The following ETV7 variants were observed in gnomAD, a reference collection of about 807,000 sequenced individuals.
ETV7 encodes transcription factor ETV7.
In ETV7, 43 loss-of-function variants were observed where a neutral mutation model predicts 39.1. That is an observed-to-expected ratio of 1.10 (90% CI 0.86 to 1.42). The LOEUF (loss-of-function observed/expected upper bound fraction) is 1.42, where lower values mean the gene tolerates loss of function less well. Among genes scored for constraint, ETV7 ranks in the 40% most tolerant of loss-of-function variants. The pLI, the probability that ETV7 is intolerant of heterozygous loss-of-function variation, is 0.00. For synonymous variants in ETV7, 196 were observed against 176.6 expected (o/e 1.11, Z -0.87); for missense variants, 432 against 442.3 (o/e 0.98, Z 0.21).
At chr6:36,362,164 G>A (rs1007881428), downstream of ETV7, among the ~76,000 whole-genome samples, 3 of 152,190 alleles carry the variant, frequency 2.0e-5, no homozygotes, top group African/African-American at 7.2e-5. Context: ...CAGGCGCGGT[G>A]GCGGGCACCT....
At chr6:36,380,665 A>G (rs532390941) in intron 2 of ETV7, among the ~76,000 whole-genome samples, 1 of 152,178 alleles carries the variant, frequency 6.6e-6, no homozygotes, top group Non-Finnish European at 1.5e-5. Context: ...GCTTCTTTAC[A>G]TAGTCACTGA....
chr6:36,361,247 C>A (rs911130379), downstream of ETV7, among the ~76,000 whole-genome samples: 1 of 152,184 alleles, frequency 6.6e-6, no homozygotes, highest in African/African-American at 2.4e-5. Context: ...CTTTGAGGGC[C>A]GAGGTGTCAC....
Position 36,366,341 on chromosome 6 carries a change from C to G in ETV7, c.*304G>C. 1 of 1,184,040 alleles carries G rather than the reference C, an allele frequency of 8.4e-7. No individual in the cohort carries two copies. The highest frequency in any genetic ancestry group is 1.1e-6 in the Non-Finnish European group (1 of 951,446). The allele number at this position is 1,184,040 out of a possible 1,614,324, so 73.3% of individuals were successfully genotyped here. ...CTTCATTCCCTTCATCTGGTAAATT[C>G]CATTTACAGGGGTGGGGCTGGGTGC... is the stretch of plus-strand genomic sequence containing the variant. On this transcript the variant is annotated 3_prime_UTR_variant, in exon 8 of 8. Coordinates refer to ENST00000340181, the MANE Select transcript of ETV7 (RefSeq NM_016135.4).
intron 7 of ETV7, among the ~76,000 whole-genome samples, chr6:36,361,003 C>T (rs71569330): frequency 2.6e-4 from 39 of 152,302 alleles, no homozygotes; most frequent in Non-Finnish European, 4.9e-4. Context: ...TCTGTTTCCC[C>T]TACTTCTGTG....
In ETV7 at chr6:36,366,278, C is replaced by A. The variant is rs1163685673; in HGVS notation, c.*367G>T. The A allele has an allele frequency of 1.9e-6, 2 of 1,073,276 alleles. No individual in the cohort carries two copies. Among genetic ancestry groups the A allele is most frequent in the Non-Finnish European group, 2.3e-6 (2 of 884,514 alleles). The allele number at this position is 1,073,276 out of a possible 1,614,324, so 66.5% of individuals were successfully genotyped here. On this transcript the variant is annotated 3_prime_UTR_variant, in exon 8 of 8. Coordinates refer to ENST00000340181, the MANE Select transcript of ETV7 (RefSeq NM_016135.4). ...CTTTTTCCCATTTCCTGCCTCAGCC[C>A]ATTTCACAGGTGAGGAAATCTGAGG...
chr6:36,385,491 A>G (rs777782674), intron 2 of ETV7, 43 bp downstream of exon 2: 8 of 1,613,350 alleles, frequency 5.0e-6, no homozygotes, highest in South Asian at 3.3e-5. Context: ...CAAAATAAAA[A>G]TTTACTTTTA....
At chr6:36,383,241 T>C (rs1245105118) in intron 2 of ETV7, among the ~76,000 whole-genome samples, 1 of 152,132 alleles carries the variant, frequency 6.6e-6, no homozygotes, top group Non-Finnish European at 1.5e-5. Context: ...GAATCCTCTT[T>C]TGTTCCCCAT....
rs545020644 is a variant in ETV7, at chr6:36,371,483, A to T, written c.511T>A (p.Phe171Ile). The T allele has an allele frequency of 1.2e-6, 2 of 1,605,106 alleles. No homozygotes were observed. Among genetic ancestry groups the T allele is most frequent in the Non-Finnish European group, 8.5e-7 (1 of 1,175,746 alleles). The stretch of plus-strand genomic sequence containing the variant: ...AGGCCAGGGTCATCCAGGTGGCCGA[A>T]GTTGCTGGTAAGCCCTGGGTCTGGT... ...QPPDPGLTSN[F>I]GHLDDPGLAR... Residue 171 changes from phenylalanine (F) to isoleucine (I), a missense_variant, in exon 5 of 8, where the codon TTC (phenylalanine) becomes ATC (isoleucine). By Grantham distance (21) the Phe-to-Ile change is conservative (BLOSUM62 0). Transcript: ENST00000340181.
At chr6:36,367,783 G>T (rs191056784) in intron 6 of ETV7, among the ~76,000 whole-genome samples, 48 of 152,142 alleles carry the variant, frequency 3.2e-4, no homozygotes, top group Non-Finnish European at 6.2e-4. Flanking sequence ...TCCACCGCTT[G>T]TCAGCTGTGT....
In ETV7 at chr6:36,385,630, C is replaced by T; in HGVS notation, c.46G>A (p.Ala16Thr). The stretch of plus-strand genomic sequence containing the variant: ...ACGTGGGTGCCTAGGGGAGGCATGG[C>T]TGCCACAGGGCTTATAGGAGAAATA... The part of the protein sequence containing the change: ...LAISPISPVA[A>T]MPPLGTHVQA... The change falls in exon 2 of 8, where the codon GCC becomes ACC. Residue 16 changes from alanine (A) to threonine (T), a missense_variant. By Grantham distance (58) the Ala-to-Thr change is moderately conservative. Transcript: ENST00000340181. 6.2e-7 allele frequency: 1 copy of T among 1,614,142 alleles called. No homozygotes were observed. The highest frequency in any genetic ancestry group is 1.3e-5 in the African/African-American group (1 of 75,042).
downstream of ETV7, among the ~76,000 whole-genome samples, chr6:36,364,747 C>T (rs1388699561): frequency 6.6e-6 from 1 of 150,640 alleles, no homozygotes. Context: ...GAGGAGGTGC[C>T]GAGAGCGAGC....
downstream of ETV7, among the ~76,000 whole-genome samples, chr6:36,364,077 T>C (rs1441855427): frequency 1.3e-5 from 2 of 152,178 alleles, no homozygotes; most frequent in Admixed American, 1.3e-4. Flanking sequence ...TTGAGCTAGA[T>C]ACAGAGTGCC....
At chr6:36,369,906 TAA>T (rs10664403) in intron 5 of ETV7, among the ~76,000 whole-genome samples, 1 of 146,170 alleles carries the variant, frequency 6.8e-6, no homozygotes, top group Non-Finnish European at 1.5e-5. Flanking sequence ...CCCTGTCTCT[TAA>T]AAAAAAAAAA....
At chr6:36,362,514 A>G (rs1772527549), downstream of ETV7, among the ~76,000 whole-genome samples, 1 of 152,110 alleles carries the variant, frequency 6.6e-6, no homozygotes, top group Non-Finnish European at 1.5e-5. Context: ...ATGACCTGCC[A>G]CTTTTCAGGA....
At position 36,379,462 on chromosome 6, in the gene ETV7, G is replaced by C. The variant is rs1272620674; in HGVS notation, c.143-3427C>G. On this transcript the variant is annotated intron_variant, in intron 2 of 7. Transcript: ENST00000340181. ...GCTACTCAGAAGGCTGAGGAGGGAG[G>C]GATTGAGCCCAAGAGTTCACGGATG... Among the ~76,000 whole-genome samples, 5 of 151,836 alleles carry C rather than the reference G, an allele frequency of 3.3e-5. No individual in the cohort carries two copies. In the East Asian group the frequency reaches 9.6e-4, roughly 29 times the overall value.
At chr6:36,378,116 A>G (rs1773465715) in intron 2 of ETV7, among the ~76,000 whole-genome samples, 2 of 152,252 alleles carry the variant, frequency 1.3e-5, no homozygotes, top group African/African-American at 4.8e-5. Context: ...GGTGGAGCCC[A>G]GGAGCAAGTA....
chr6:36,373,994 C>A (rs1773178186), intron 3 of ETV7, among the ~76,000 whole-genome samples: 1 of 152,188 alleles, frequency 6.6e-6, no homozygotes, highest in African/African-American at 2.4e-5. Context: ...TCTGCCCTGC[C>A]TTCTAAGGAG....
In ETV7 at chr6:36,387,585, C is replaced by T. The variant is rs759417051; in HGVS notation, c.-44G>A. On this transcript the variant is annotated 5_prime_UTR_variant, in exon 1 of 8. Coordinates refer to ENST00000340181, the MANE Select transcript of ETV7 (RefSeq NM_016135.4). ...AGCCACCGGCTTTCTGTCTTGAGCG[C>T]TCCCCTGGCTGTGGCTGCTGGGGCC... 8.1e-6 allele frequency: 13 copies of T among 1,612,896 alleles called. No homozygotes were observed. Among genetic ancestry groups the T allele is most frequent in the Non-Finnish European group, 1.0e-5 (12 of 1,179,630 alleles).
At chr6:36,377,031 A>G (rs1048111231) in intron 2 of ETV7, among the ~76,000 whole-genome samples, 1 of 152,178 alleles carries the variant, frequency 6.6e-6, no homozygotes, top group Non-Finnish European at 1.5e-5. Flanking sequence ...TAGCCAGACA[A>G]GTGGCTGCTT....
Sources: gnomAD v4.1 joint callset for allele counts (sites outside exome capture counted in the v4.1 genomes callset) on GRCh38, gnomAD v4.1.1 for gene constraint, MANE v1.5 for transcripts, NCBI Gene and HGNC (gene_info 2026-07-23, HGNC 2026-07-21) for gene names.